SDK1: variants seen among roughly 807,000 people sequenced by gnomAD.
SDK1 encodes sidekick cell adhesion molecule 1, also known as protein sidekick-1.
SDK1 carries 157 observed loss-of-function variants against 245.5 expected under a neutral mutation model. The observed-to-expected ratio is 0.64, with a 90% CI of 0.56 to 0.73. SDK1 has a LOEUF of 0.73. Ranked by LOEUF, SDK1 falls within the 30% of genes least tolerant of loss-of-function variation. SDK1 has a pLI of 0.00. For synonymous variants in SDK1, 1,647 were observed against 1,278.5 expected (o/e 1.29, Z -6.15); for missense variants, 3,583 against 3,002.3 (o/e 1.19, Z -4.52).
chr7:4,265,593 G>C lies in SDK1; in HGVS notation c.*209G>C. ...TTTTGTAACTTCGCTGCAGGAAGCA[G>C]GTTTGTTTCTTTTTCTTTTCTTTTT... On this transcript the variant is annotated 3_prime_UTR_variant, in exon 45 of 45. Transcript: ENST00000404826. The C allele has an allele frequency of 6.0e-6, 8 of 1,339,724 alleles. No individual in the cohort carries two copies. Among genetic ancestry groups the C allele is most frequent in the Non-Finnish European group, 6.6e-6 (7 of 1,054,944 alleles). The allele number at this position is 1,339,724 out of a possible 1,614,324, so 83.0% of individuals were successfully genotyped here. A position where few individuals can be genotyped will look rare whatever the true frequency, so the allele number is the denominator to read the frequency against.
At chr7:3,412,285 A>C (rs929193508) in intron 1 of SDK1, among the ~76,000 whole-genome samples, 2 of 152,158 alleles carry the variant, frequency 1.3e-5, no homozygotes, top group African/African-American at 4.8e-5. Context: ...GCATAATTAC[A>C]TATATAATAC....
At chr7:3,621,199 G>A (rs990764003) in intron 2 of SDK1, among the ~76,000 whole-genome samples, 4 of 152,190 alleles carry the variant, frequency 2.6e-5, no homozygotes, top group Admixed American at 6.5e-5. Context: ...TAGAAGGGGT[G>A]TAAGAAAGCA....
At chr7:3,304,121 C>G (rs1183875117) in intron 1 of SDK1, among the ~76,000 whole-genome samples, 1 of 152,144 alleles carries the variant, frequency 6.6e-6, no homozygotes, top group Non-Finnish European at 1.5e-5. Flanking sequence ...CTCTATGTAA[C>G]TGATCATGAT....
intron 4 of SDK1, among the ~76,000 whole-genome samples, chr7:3,645,726 G>A (rs2128653979): frequency 6.6e-6 from 1 of 152,250 alleles, no homozygotes; most frequent in East Asian, 1.9e-4. Context: ...TCGCACCCAC[G>A]GGATTGGTAG....
chr7:3,564,091 C>G (rs938091933), intron 1 of SDK1, among the ~76,000 whole-genome samples: 2 of 151,654 alleles, frequency 1.3e-5, no homozygotes, highest in African/African-American at 4.8e-5. Flanking sequence ...GTTTATTAAA[C>G]ATATAGTTTA....
rs183294637 is a variant in SDK1, at chr7:3,996,937, G to T, written c.2131+9615G>T. Among the ~76,000 whole-genome samples the T allele has an allele frequency of 3.9e-3, 596 of 152,228 alleles. 8 individuals carry two copies. Among genetic ancestry groups the T allele is most frequent in the African/African-American group, 0.014 (578 of 41,524 alleles). ...TTTACTGTTATGTGTAATATAGATTGTTTTTTATTGAGATATAATTTGTAT... is the reference window on the plus strand; with the variant it reads ...TTTACTGTTATGTGTAATATAGATTTTTTTTTATTGAGATATAATTTGTAT... On this transcript the variant is annotated intron_variant, in intron 14 of 44. Coordinates refer to ENST00000404826, the MANE Select transcript of SDK1 (RefSeq NM_152744.4).
At chr7:3,518,876 A>C (rs1782836629) in intron 1 of SDK1, among the ~76,000 whole-genome samples, 1 of 152,112 alleles carries the variant, frequency 6.6e-6, no homozygotes, top group South Asian at 2.1e-4. Context: ...TTCACAATAT[A>C]CAAGATATGG....
chr7:3,363,556 G>C (rs1781009511), intron 1 of SDK1, among the ~76,000 whole-genome samples: 1 of 152,084 alleles, frequency 6.6e-6, no homozygotes, highest in African/African-American at 2.4e-5. Flanking sequence ...TTGGCACCAG[G>C]GACCGGTTTC....
At chr7:3,472,156 C>G (rs1781204520) in intron 1 of SDK1, among the ~76,000 whole-genome samples, 1 of 152,130 alleles carries the variant, frequency 6.6e-6, no homozygotes, top group Admixed American at 6.6e-5. Flanking sequence ...CCCTCCATTA[C>G]TTTTTCATGG....
intron 4 of SDK1, among the ~76,000 whole-genome samples, chr7:3,804,565 C>T (rs370521315): frequency 1.4e-4 from 22 of 152,240 alleles, no homozygotes; most frequent in African/African-American, 5.3e-4. Flanking sequence ...TCTGCCTTTA[C>T]ATATTATTTT....
At chr7:4,213,791 TTTTCAGTG>T (rs1346145910) in intron 38 of SDK1, among the ~76,000 whole-genome samples, 1 of 152,144 alleles carries the variant, frequency 6.6e-6, no homozygotes, top group African/African-American at 2.4e-5. Context: ...TTCCCTTGTG[TTTTCAGTG>T]TTGCCGTTTC....
At chr7:3,668,436 T>C (rs1783601810) in intron 4 of SDK1, among the ~76,000 whole-genome samples, 2 of 152,204 alleles carry the variant, frequency 1.3e-5, no homozygotes, top group Admixed American at 6.5e-5. Flanking sequence ...GATTATATGC[T>C]GGGTTCCAAG....
chr7:4,053,379 C>T (rs1487598891), intron 19 of SDK1, among the ~76,000 whole-genome samples: 5 of 152,058 alleles, frequency 3.3e-5, no homozygotes, highest in South Asian at 2.1e-4. Flanking sequence ...TCCTCTCAAA[C>T]GATGCAGTAT....
chr7:3,589,827 C>T (rs1780803656), intron 1 of SDK1, among the ~76,000 whole-genome samples: 2 of 152,134 alleles, frequency 1.3e-5, no homozygotes, highest in East Asian at 3.9e-4. Flanking sequence ...TGGGTGGGGA[C>T]ACAGACAAAC....
At chr7:4,003,213 T>C (rs1359763379) in intron 14 of SDK1, among the ~76,000 whole-genome samples, 4 of 152,242 alleles carry the variant, frequency 2.6e-5, no homozygotes, top group African/African-American at 9.6e-5. Context: ...GACCTTCCAC[T>C]GCAGGTTCCA....
intron 4 of SDK1, chr7:3,642,710 T>C (rs1048476356): frequency 1.3e-5 from 2 of 152,242 alleles, no homozygotes; most frequent in Non-Finnish European, 2.9e-5. Context: ...ATTTATCTAA[T>C]GCCCGACAGG....
At chr7:3,496,880 G>A (rs1384800690) in intron 1 of SDK1, among the ~76,000 whole-genome samples, 2 of 152,190 alleles carry the variant, frequency 1.3e-5, no homozygotes, top group Admixed American at 6.5e-5. Flanking sequence ...TAGGTTAGTA[G>A]TGCTTGACGT....
intron 1 of SDK1, among the ~76,000 whole-genome samples, chr7:3,412,250 T>C (rs192639817): frequency 7.2e-4 from 109 of 152,270 alleles, no homozygotes; most frequent in African/African-American, 2.5e-3. Flanking sequence ...CCTCAGCCAC[T>C]CAGGCTATTC....
intron 1 of SDK1, among the ~76,000 whole-genome samples, chr7:3,483,816 A>G (rs1781592313): frequency 1.3e-5 from 2 of 152,188 alleles, no homozygotes; most frequent in Admixed American, 6.5e-5. Context: ...TAGTAAATTC[A>G]TTGGAACATT....
Sources: allele counts gnomAD v4.1 joint callset (sites outside exome capture counted in the v4.1 genomes callset), GRCh38; gene constraint gnomAD v4.1.1; transcripts MANE v1.5; gene names NCBI Gene and HGNC (gene_info 2026-07-23, HGNC 2026-07-21).